Variants in ATE1 observed in about 807,000 individuals in gnomAD.
ATE1 encodes arginyl-tRNA--protein transferase 1.
A neutral mutation model predicts 70.5 loss-of-function variants in ATE1; 36 were observed. The observed-to-expected ratio is 0.51, with a 90% CI of 0.39 to 0.67. The LOEUF (loss-of-function observed/expected upper bound fraction) is 0.67, where lower values mean the gene tolerates loss of function less well. ATE1 is among the 30% of genes least tolerant of loss of function. The pLI is 0.00. For missense variants in ATE1, 593 were observed against 629.5 expected (o/e 0.94, Z 0.62); for synonymous variants, 232 against 219.3 (o/e 1.06, Z -0.51).
chr10:121,793,745 T>C lies in ATE1; in HGVS notation c.1258-3456A>G, dbSNP rs538999988. ...TATTAAGCCCTTGGTTTGTAAAATA[T>C]GTCACAAATCTTTTCCAAGTTTATA... On this transcript the variant is annotated intron_variant, in intron 10 of 11. Coordinates refer to ENST00000224652, the MANE Select transcript of ATE1 (RefSeq NM_001001976.3). Among the ~76,000 whole-genome samples, 662 of 152,270 alleles carry C rather than the reference T, an allele frequency of 4.3e-3. 5 individuals carry two copies. Among genetic ancestry groups the C allele is most frequent in the African/African-American group, 0.015 (636 of 41,576 alleles).
chr10:121,843,427 CA>C (rs1948703390), intron 8 of ATE1, among the ~76,000 whole-genome samples: 1 of 152,064 alleles, frequency 6.6e-6, no homozygotes, highest in African/African-American at 2.4e-5. Context: ...TTGCAGCTAT[CA>C]AAAAACTGAT....
chr10:121,912,595 T>C (rs1476664137), intron 4 of ATE1, among the ~76,000 whole-genome samples: 1 of 151,692 alleles, frequency 6.6e-6, no homozygotes, highest in Non-Finnish European at 1.5e-5. Context: ...GAGGTTGCAG[T>C]GAGCCAAGAT....
At chr10:121,764,453 A>G (rs886663841) in intron 11 of ATE1, among the ~76,000 whole-genome samples, 20 of 150,256 alleles carry the variant, frequency 1.3e-4, no homozygotes, top group Admixed American at 8.0e-4. Context: ...CCCAGGCAAC[A>G]TAGCAAGACC....
intron 11 of ATE1, among the ~76,000 whole-genome samples, chr10:121,762,340 T>C (rs2135795895): frequency 6.6e-6 from 1 of 152,358 alleles, no homozygotes; most frequent in African/African-American, 2.4e-5. Context: ...ACCTATGCTG[T>C]GGATTCAACT....
chr10:121,903,976 C>G (rs547181041), intron 5 of ATE1, among the ~76,000 whole-genome samples: 53 of 150,120 alleles, frequency 3.5e-4, no homozygotes, highest in Non-Finnish European at 4.2e-4. Flanking sequence ...TCTCTTTTCT[C>G]CAAATTTTCT....
intron 7 of ATE1, among the ~76,000 whole-genome samples, chr10:121,890,823 C>T (rs187614324): frequency 2.0e-5 from 3 of 152,024 alleles, no homozygotes; most frequent in Non-Finnish European, 2.9e-5. Context: ...GTATTATAAA[C>T]GAGACAGGTC....
chr10:121,795,014 G>A (rs1185602169), intron 10 of ATE1, among the ~76,000 whole-genome samples: 1 of 152,198 alleles, frequency 6.6e-6, no homozygotes, highest in African/African-American at 2.4e-5. Context: ...GTGGGAGGCC[G>A]AGGCAGGCAG....
At chr10:121,902,665 G>A (rs1393668437) in intron 5 of ATE1, 45 bp from the exon 6 acceptor site, 1 of 1,532,332 alleles carries the variant, frequency 6.5e-7, no homozygotes, top group Non-Finnish European at 8.8e-7. Flanking sequence ...TTTGGTTCTA[G>A]AAAAGTTTTT....
chr10:121,803,647 T>C (rs1036092282), intron 10 of ATE1, among the ~76,000 whole-genome samples: 1 of 152,182 alleles, frequency 6.6e-6, no homozygotes, highest in Non-Finnish European at 1.5e-5. Flanking sequence ...TAAAAAACAG[T>C]TTCCTACAAA....
At chr10:121,901,549 T>A (rs1215034876) in intron 6 of ATE1, among the ~76,000 whole-genome samples, 2 of 152,038 alleles carry the variant, frequency 1.3e-5, no homozygotes, top group Admixed American at 6.6e-5. Flanking sequence ...CTCCACCTCC[T>A]GGGTTCAAGC....
intron 11 of ATE1, among the ~76,000 whole-genome samples, chr10:121,775,431 A>G (rs1945696295): frequency 6.6e-6 from 1 of 152,092 alleles, no homozygotes; most frequent in Non-Finnish European, 1.5e-5. Context: ...ATGTATAACT[A>G]TGTAACCAAT....
chr10:121,900,699 C>T (rs1027422132), intron 6 of ATE1, among the ~76,000 whole-genome samples: 2 of 152,148 alleles, frequency 1.3e-5, no homozygotes, highest in Non-Finnish European at 2.9e-5. Context: ...GGAAACTGGA[C>T]ATGTGTGCCG....
chr10:121,813,803 C>T (rs557674077), intron 10 of ATE1, among the ~76,000 whole-genome samples: 38 of 152,296 alleles, frequency 2.5e-4, no homozygotes, highest in South Asian at 6.2e-4. Context: ...GCTTTTGCTC[C>T]CCTTCCCAGC....
intron 11 of ATE1, among the ~76,000 whole-genome samples, chr10:121,766,894 A>C (rs1833593084): frequency 6.6e-6 from 1 of 152,202 alleles, no homozygotes; most frequent in African/African-American, 2.4e-5. Context: ...ACAAACATTT[A>C]AAGAAATAAA....
rs186827503 is a variant in ATE1 at position 121,871,292 on chromosome 10, C to T, written c.943-1254G>A. 3.5e-3 allele frequency among the ~76,000 whole-genome samples: 535 copies of T among 152,170 alleles called. 2 individuals carry two copies. Among genetic ancestry groups the T allele is most frequent in the Middle Eastern group, 0.027 (8 of 294 alleles). On this transcript the variant is annotated intron_variant, in intron 7 of 11. Transcript: ENST00000224652. ...TGGCCAACATGGTGAAACCCCGTCT[C>T]TAATAAAAATACAAAAATTAGCTGT...
intron 7 of ATE1, among the ~76,000 whole-genome samples, chr10:121,890,227 T>G (rs1315552090): frequency 6.6e-6 from 1 of 152,190 alleles, no homozygotes; most frequent in Non-Finnish European, 1.5e-5. Context: ...GTAATAAACT[T>G]TGATTAAACA....
At position 121,905,819 on chromosome 10, in the gene ATE1, C is replaced by CT. The variant is rs1466844771; in HGVS notation, c.584-3200dup. Among the ~76,000 whole-genome samples, 3 of 150,728 alleles carry CT rather than the reference C, an allele frequency of 2.0e-5. No individual in the cohort carries two copies. The East Asian group carries it at 5.9e-4, about 30-fold the overall frequency. Reference sequence around the variant, plus strand: ...AAGATCACACCACTGCACTCCAGGCCTAAGCAACACAGCGAGACTCTGTCT... The same window carrying CT: ...AAGATCACACCACTGCACTCCAGGCCTTAAGCAACACAGCGAGACTCTGTCT... On this transcript the variant is annotated intron_variant, in intron 5 of 11. Coordinates refer to ENST00000224652, the MANE Select transcript of ATE1 (RefSeq NM_001001976.3).
intron 11 of ATE1, among the ~76,000 whole-genome samples, chr10:121,776,525 C>G (rs1229982355): frequency 6.6e-6 from 1 of 152,214 alleles, no homozygotes; most frequent in Non-Finnish European, 1.5e-5. Context: ...CATGGCAGAA[C>G]TGGAGTGACA....
At chr10:121,923,234 G>C (rs1030786341) in intron 2 of ATE1, among the ~76,000 whole-genome samples, 4 of 152,182 alleles carry the variant, frequency 2.6e-5, no homozygotes, top group Non-Finnish European at 5.9e-5. Context: ...ACTTTGAAAA[G>C]CTAAGCTGGA....
Sources: allele counts gnomAD v4.1 joint callset (sites outside exome capture counted in the v4.1 genomes callset), GRCh38; gene constraint gnomAD v4.1.1; transcripts MANE v1.5; gene names NCBI Gene and HGNC (gene_info 2026-07-23, HGNC 2026-07-21).